DENND1B: variants seen among roughly 807,000 people sequenced by gnomAD.
The protein encoded by DENND1B is DENN domain containing 1B, also known as DENN domain-containing protein 1B.
A neutral mutation model predicts 90.1 loss-of-function variants in DENND1B; 59 were observed. The observed-to-expected ratio is 0.65, with a 90% confidence interval of 0.53 to 0.81. DENND1B has a LOEUF of 0.81. Among genes scored for constraint, DENND1B ranks in the 40% least tolerant of loss-of-function variants. The pLI is 0.00. For synonymous variants in DENND1B, 337 were observed against 324.6 expected, an observed-to-expected ratio of 1.04 and a Z score of -0.41; for missense variants, 862 against 912.6, an observed-to-expected ratio of 0.94 and a Z score of 0.71.
chr1:197,552,918 G>C, intron 16 of DENND1B, 104 bp downstream of exon 16: 1 of 1,521,068 alleles, frequency 6.6e-7, no homozygotes, highest in South Asian at 1.4e-5. Flanking sequence ...TATTTAGGAG[G>C]AAATCATTAG....
chr1:197,625,803 C>T (rs1572107387), intron 10 of DENND1B, among the ~76,000 whole-genome samples: 1 of 151,992 alleles, frequency 6.6e-6, no homozygotes, highest in East Asian at 1.9e-4. Flanking sequence ...AGGACATAGG[C>T]TCAAAATAAA....
intron 15 of DENND1B, among the ~76,000 whole-genome samples, chr1:197,576,209 T>C (rs1479925030): frequency 6.6e-6 from 1 of 152,170 alleles, no homozygotes; most frequent in Non-Finnish European, 1.5e-5. Context: ...ATACTGATGG[T>C]GTAGTATGGC....
chr1:197,608,369 C>T (rs1045889603), intron 12 of DENND1B, among the ~76,000 whole-genome samples: 1 of 150,518 alleles, frequency 6.6e-6, no homozygotes, highest in African/African-American at 2.4e-5. Flanking sequence ...TAAAAGATGG[C>T]CATTTCTAAG....
chr1:197,604,396 C>A (rs1394440971), intron 13 of DENND1B, among the ~76,000 whole-genome samples: 1 of 151,116 alleles, frequency 6.6e-6, no homozygotes, highest in Non-Finnish European at 1.5e-5. Flanking sequence ...GTATTTCTAA[C>A]AGTCAATAAA....
At chr1:197,684,643 T>C (rs575517538) in intron 3 of DENND1B, among the ~76,000 whole-genome samples, 3 of 152,278 alleles carry the variant, frequency 2.0e-5, no homozygotes, top group South Asian at 4.1e-4. Context: ...TCCCTTGAAA[T>C]TATACCGTGA....
intron 4 of DENND1B, 42 bp downstream of exon 4, chr1:197,674,078 T>G: frequency 7.4e-7 from 1 of 1,357,016 alleles, no homozygotes; most frequent in Non-Finnish European, 1.0e-6. Flanking sequence ...AAGTATGTAC[T>G]ATAAGAATCT....
rs141551573 is a variant in DENND1B, at chr1:197,607,542, T to C, written c.820-368A>G. On this transcript the variant is annotated intron_variant, in intron 12 of 22. Transcript: ENST00000620048. ...GAATTCATGGCCAGCTCTATACCTA[T>C]GTTTAGCATAAAGCATATTGCAAGG... is the stretch of plus-strand genomic sequence containing the variant. 1.6e-3 allele frequency among the ~76,000 whole-genome samples: 235 copies of C among 150,960 alleles called. 1 individual carries two copies. Among genetic ancestry groups the C allele is most frequent in the South Asian group, 0.013 (64 of 4,826 alleles).
At chr1:197,731,811 C>T (rs1662178746) in intron 2 of DENND1B, among the ~76,000 whole-genome samples, 1 of 151,900 alleles carries the variant, frequency 6.6e-6, no homozygotes, top group South Asian at 2.1e-4. Flanking sequence ...ATAGGTTGGA[C>T]AAGCTTGCTA....
chr1:197,775,733 C>G (rs561794528), upstream of DENND1B: 1 of 152,498 alleles, frequency 6.6e-6, no homozygotes, highest in African/African-American at 2.4e-5. Context: ...CTTTCTGGGT[C>G]CAGTCCAGAT....
intron 3 of DENND1B, among the ~76,000 whole-genome samples, chr1:197,682,050 C>A (rs1419660947): frequency 2.7e-5 from 4 of 150,080 alleles, no homozygotes; most frequent in Non-Finnish European, 5.9e-5. Flanking sequence ...AATAGTAAAT[C>A]CTGTGATAAA....
At chr1:197,609,191 A>G (rs1464467465) in intron 12 of DENND1B, among the ~76,000 whole-genome samples, 1 of 150,676 alleles carries the variant, frequency 6.6e-6, no homozygotes, top group Non-Finnish European at 1.5e-5. Flanking sequence ...ATAAGAAAAT[A>G]ATATTAGACA....
chr1:197,546,653 A>G (rs1279471160), intron 17 of DENND1B, 80 bp downstream of exon 17: 4 of 1,144,268 alleles, frequency 3.5e-6, no homozygotes, highest in Non-Finnish European at 5.0e-6. Context: ...AAACAGCATA[A>G]GTATAAACAG....
At chr1:197,766,806 T>C (rs1025565838) in intron 2 of DENND1B, among the ~76,000 whole-genome samples, 1 of 152,154 alleles carries the variant, frequency 6.6e-6, no homozygotes, top group Admixed American at 6.5e-5. Context: ...TTTTATTTTT[T>C]AGAGATAGAG....
chr1:197,520,871 G>A (rs1668725162), intron 20 of DENND1B, among the ~76,000 whole-genome samples: 1 of 151,858 alleles, frequency 6.6e-6, no homozygotes, highest in African/African-American at 2.4e-5. Flanking sequence ...AAAATGTCAA[G>A]TACACATCTA....
chr1:197,766,262 C>T (rs1230145676), intron 2 of DENND1B, among the ~76,000 whole-genome samples: 4 of 152,096 alleles, frequency 2.6e-5, no homozygotes, highest in East Asian at 1.9e-4. Flanking sequence ...AACAATTTAG[C>T]TTATACAGTT....
In DENND1B at chr1:197,511,810, T is replaced by C; in HGVS notation, c.1733A>G (p.His578Arg). 6.2e-7 allele frequency: 1 copy of C among 1,611,290 alleles called. No homozygotes were observed. Among genetic ancestry groups the C allele is most frequent in the Non-Finnish European group, 8.5e-7 (1 of 1,178,208 alleles). The change falls in exon 22 of 23, where the codon CAC (histidine) becomes CGC (arginine). Residue 578 changes from histidine to arginine, a missense_variant. His to Arg is a conservative substitution (Grantham distance 29). Transcript: ENST00000620048. ...LGEILDTLSTHSSDQGKLAAA... is the reference protein window; with the variant it reads ...LGEILDTLSTRSSDQGKLAAA... ...TGCCAGCTTCCCCTGATCTGAGCTG[T>C]GTGTGCTCAATGTATCAAGAATCTC...
intron 15 of DENND1B, among the ~76,000 whole-genome samples, chr1:197,554,016 C>T (rs1319649580): frequency 6.6e-6 from 1 of 151,558 alleles, no homozygotes; most frequent in Non-Finnish European, 1.5e-5. Flanking sequence ...CATAGCATAC[C>T]AGAATCTCAC....
In DENND1B at chr1:197,670,790, T is replaced by C. The variant is rs1052247275; in HGVS notation, c.296+1247A>G. Among the ~76,000 whole-genome samples, 5 of 152,152 alleles carry C rather than the reference T, an allele frequency of 3.3e-5. 1 individual carries two copies. In the South Asian group the frequency reaches 8.3e-4, roughly 25 times the overall value. On this transcript the variant is annotated intron_variant, in intron 5 of 22. Transcript: ENST00000620048. ...ATGATAAAAGGAACTCTCCCCACCA[T>C]TGCCCACACTGTCATCTCCAACCCC...
Position 197,723,527 on chromosome 1 carries a change from C to T in DENND1B, c.83-8453G>A, listed in dbSNP as rs960931203. 2.6e-5 allele frequency among the ~76,000 whole-genome samples: 4 copies of T among 152,100 alleles called. No homozygotes were observed. In the South Asian group the frequency reaches 6.2e-4, roughly 24 times the overall value. ...TTAATCTATCGCAAGGAACTTACAA[C>T]TGAGAATCAAATGTTTTGACATTTT... is the stretch of plus-strand genomic sequence containing the variant. On this transcript the variant is annotated intron_variant, in intron 2 of 22. Coordinates refer to ENST00000620048, the MANE Select transcript of DENND1B (RefSeq NM_001195215.2).
Sources: gnomAD v4.1 joint callset for allele counts (sites outside exome capture counted in the v4.1 genomes callset) on GRCh38, gnomAD v4.1.1 for gene constraint, MANE v1.5 for transcripts, NCBI Gene and HGNC (gene_info 2026-07-23, HGNC 2026-07-21) for gene names.